Variants in GFRA1 observed in about 807,000 individuals in gnomAD.
GFRA1 encodes GDNF family receptor alpha 1.
A neutral mutation model predicts 51.6 loss-of-function variants in GFRA1; 16 were observed. The observed-to-expected ratio is 0.31, with a 90% CI of 0.21 to 0.47. GFRA1 has a LOEUF of 0.47. GFRA1 is among the 20% of genes least tolerant of loss of function. The pLI is 1.00. For missense variants in GFRA1, 530 were observed against 594.3 expected (o/e 0.89, Z 1.13); for synonymous variants, 270 against 241.3 (o/e 1.12, Z -1.10).
chr10:116,156,739 C>A (rs1459820518), intron 5 of GFRA1, among the ~76,000 whole-genome samples: 3 of 152,220 alleles, frequency 2.0e-5, no homozygotes, highest in Admixed American at 2.0e-4. Flanking sequence ...TAAGTTGATA[C>A]TCTGCATTTA....
upstream of GFRA1, among the ~76,000 whole-genome samples, chr10:116,274,293 T>TC (rs1844140675): frequency 6.6e-6 from 1 of 152,064 alleles, no homozygotes; most frequent in South Asian, 2.1e-4. Flanking sequence ...TTTGCTGATG[T>TC]CCAAGTTCAT....
At chr10:116,123,640 T>C (rs917637331) in intron 6 of GFRA1, among the ~76,000 whole-genome samples, 1 of 152,186 alleles carries the variant, frequency 6.6e-6, no homozygotes, top group South Asian at 2.1e-4. Context: ...AGGAAACAAG[T>C]ACATGGTCAT....
intron 3 of GFRA1, 67 bp from the exon 4 acceptor site, chr10:116,269,653 G>T: frequency 1.1e-6 from 1 of 904,910 alleles, no homozygotes; most frequent in Non-Finnish European, 1.9e-6. Flanking sequence ...TTTTGCTGCT[G>T]AATCTGAATT....
chr10:116,199,384 A>G (rs11197580), intron 5 of GFRA1, among the ~76,000 whole-genome samples: 706 of 152,280 alleles, frequency 4.6e-3, no homozygotes, highest in Non-Finnish European at 6.2e-3. Context: ...TGGAGGCCAC[A>G]TAAGCTCTCT....
In GFRA1 at chr10:116,190,872, C is replaced by T. The variant is rs368773185; in HGVS notation, c.433+20759G>A. Reference sequence around the variant, plus strand: ...TGCATTAAAGGCATAATAACACAATCCAGAGAATTATTTTGCTGTATTTTT... The same window carrying T: ...TGCATTAAAGGCATAATAACACAATTCAGAGAATTATTTTGCTGTATTTTT... On this transcript the variant is annotated intron_variant, in intron 5 of 10. Transcript: ENST00000355422. 6.2e-4 allele frequency among the ~76,000 whole-genome samples: 95 copies of T among 152,304 alleles called. 1 individual carries two copies. Among genetic ancestry groups the T allele is most frequent in the Middle Eastern group, 3.4e-3 (1 of 294 alleles).
intron 4 of GFRA1, among the ~76,000 whole-genome samples, chr10:116,231,767 CTACAATA>C (rs1354756095): frequency 1.3e-5 from 2 of 152,150 alleles, no homozygotes; most frequent in African/African-American, 4.8e-5. Context: ...TAAATTCTAA[CTACAATA>C]TAAAAGCTAA....
chr10:116,085,057 CAG>C (rs1276188679), intron 9 of GFRA1, among the ~76,000 whole-genome samples: 3 of 152,282 alleles, frequency 2.0e-5, no homozygotes, highest in African/African-American at 7.2e-5. Context: ...TTTATCACCT[CAG>C]GGGGTTAGCA....
intron 5 of GFRA1, among the ~76,000 whole-genome samples, chr10:116,204,355 G>C (rs1158174768): frequency 6.6e-6 from 1 of 152,212 alleles, no homozygotes; most frequent in East Asian, 1.9e-4. Flanking sequence ...CATATGCACA[G>C]GTCAGTGTAC....
At chr10:116,137,341 G>A (rs565213835) in intron 5 of GFRA1, among the ~76,000 whole-genome samples, 12 of 152,122 alleles carry the variant, frequency 7.9e-5, no homozygotes, top group Non-Finnish European at 1.5e-4. Context: ...TGATGTCGGC[G>A]GTTGTCAGGG....
chr10:116,083,381 T>C (rs1290634241), intron 9 of GFRA1, among the ~76,000 whole-genome samples: 1 of 152,252 alleles, frequency 6.6e-6, no homozygotes, highest in Admixed American at 6.5e-5. Flanking sequence ...CACCCTGGAC[T>C]GGCTCTCAAG....
At chr10:116,230,825 A>T (rs1213517554) in intron 4 of GFRA1, among the ~76,000 whole-genome samples, 4 of 152,200 alleles carry the variant, frequency 2.6e-5, no homozygotes, top group Admixed American at 2.6e-4. Flanking sequence ...AGTAGCAACC[A>T]TGGCAATTAT....
In GFRA1 at chr10:116,234,523, C is replaced by T. The variant is rs541388012; in HGVS notation, c.419-22878G>A. ...TCCAATTTAGCCAACTCATCACAGA[C>T]GTGGGACTGTAAACCTAGTCACGGC... is the stretch of plus-strand genomic sequence containing the variant. On this transcript the variant is annotated intron_variant, in intron 4 of 10. Transcript: ENST00000355422. Among the ~76,000 whole-genome samples the T allele has an allele frequency of 3.9e-5, 6 of 152,370 alleles. 1 individual carries two copies. The South Asian group carries it at 8.3e-4, about 21-fold the overall frequency.
At chr10:116,070,699 AG>A (rs1279455672) in intron 9 of GFRA1, among the ~76,000 whole-genome samples, 1 of 150,060 alleles carries the variant, frequency 6.7e-6, no homozygotes, top group Non-Finnish European at 1.5e-5. Context: ...GACAGAAAAA[AG>A]AAGCTCCTTG....
At chr10:116,211,553 C>A in intron 5 of GFRA1, 78 bp downstream of exon 5, 3 of 1,286,534 alleles carry the variant, frequency 2.3e-6, no homozygotes, top group Non-Finnish European at 1.1e-6. Flanking sequence ...AACCCCATAA[C>A]CCTCTGTACA....
At position 116,062,342 on chromosome 10, in the gene GFRA1, G is replaced by A; in HGVS notation, c.*2056C>T. 2.6e-6 allele frequency: 1 copy of A among 387,156 alleles called. No homozygotes were observed. The highest frequency in any genetic ancestry group is 4.6e-6 in the Non-Finnish European group (1 of 219,366). 24.0% of individuals were successfully genotyped at this position (387,156 alleles called of 1,614,324 possible). A position where few individuals can be genotyped will look rare whatever the true frequency, so the allele number is the denominator to read the frequency against. On this transcript the variant is annotated 3_prime_UTR_variant, in exon 11 of 11. Transcript: ENST00000355422. Reference sequence around the variant, plus strand: ...ATATTTTGACACACTTACTTAATGTGTTTATTCAAAGTAAGAGTCTTTATA... The same window carrying A: ...ATATTTTGACACACTTACTTAATGTATTTATTCAAAGTAAGAGTCTTTATA...
At position 116,096,759 on chromosome 10, in the gene GFRA1, C is replaced by A; in HGVS notation, c.776G>T (p.Arg259Leu). The A allele has an allele frequency of 6.3e-7, 1 of 1,590,326 alleles. No individual in the cohort carries two copies. Among genetic ancestry groups the A allele is most frequent in the Middle Eastern group, 1.7e-4 (1 of 6,008 alleles). ...GCAGTTGGTAAAAAAATCCGCAAGG[C>A]GAGATCTACAATAGGAAAAAAGGGG... ...SCKTNYICRS[R>L]LADFFTNCQP... is the part of the protein sequence containing the mutation. Residue 259 changes from arginine (R) to leucine (L), a missense_variant, in exon 7 of 11, where the codon CGC becomes CTC. Arg to Leu is a moderately radical substitution (Grantham distance 102). Transcript: ENST00000355422.
At chr10:116,080,896 C>G (rs1955821756) in intron 9 of GFRA1, among the ~76,000 whole-genome samples, 1 of 152,136 alleles carries the variant, frequency 6.6e-6, no homozygotes, top group African/African-American at 2.4e-5. Flanking sequence ...TCTAACAAAA[C>G]TTTGGAGACT....
intron 5 of GFRA1, among the ~76,000 whole-genome samples, chr10:116,147,444 G>A (rs1224813060): frequency 6.6e-6 from 1 of 152,128 alleles, no homozygotes. Context: ...GCATGGTGAT[G>A]AGTCCTTTTT....
Position 116,271,053 on chromosome 10 carries a change from G to C in GFRA1, c.103C>G (p.Gln35Glu), listed in dbSNP as rs943139661. ...DRLDCVKASD[Q>E]CLKEQSCSTK... ...CTGCAGCTCTGCTCCTTCAGGCACT[G>C]ATCACTGGCTTTCACGCAATCCAGG... Residue 35 changes from glutamine to glutamate, a missense_variant, in exon 3 of 11, where the codon CAG becomes GAG. Transcript: ENST00000355422. 6.8e-6 allele frequency: 11 copies of C among 1,613,590 alleles called. No homozygotes were observed. The highest frequency in any genetic ancestry group is 9.3e-6 in the Non-Finnish European group (11 of 1,179,552).
Sources: gnomAD v4.1 joint callset for allele counts (sites outside exome capture counted in the v4.1 genomes callset) on GRCh38, gnomAD v4.1.1 for gene constraint, MANE v1.5 for transcripts, NCBI Gene and HGNC (gene_info 2026-07-23, HGNC 2026-07-21) for gene names.